The following RAPGEF5 variants were observed in gnomAD, a reference collection of about 807,000 sequenced individuals.
RAPGEF5 encodes M-Ras-regulated GEF.
RAPGEF5 carries 65 observed loss-of-function variants against 125.2 expected under a neutral mutation model. That is an observed-to-expected ratio of 0.52 (90% CI 0.43 to 0.64). RAPGEF5 has a LOEUF of 0.64. Among genes scored for constraint, RAPGEF5 ranks in the 30% least tolerant of loss-of-function variants. The probability of loss-of-function intolerance (pLI) is 0.00; values close to 1 mark genes in which losing one functional copy is unlikely to be tolerated. For synonymous variants in RAPGEF5, 391 were observed against 385.9 expected (o/e 1.01, Z -0.16); for missense variants, 958 against 1,048.1 (o/e 0.91, Z 1.19).
At chr7:22,300,161 T>C (rs1783163834) in intron 5 of RAPGEF5, among the ~76,000 whole-genome samples, 1 of 152,236 alleles carries the variant, frequency 6.6e-6, no homozygotes, top group Non-Finnish European at 1.5e-5. Flanking sequence ...TCTTCTTCAA[T>C]GTTTTTTTTC....
intron 11 of RAPGEF5, among the ~76,000 whole-genome samples, chr7:22,188,847 A>G (rs1346629252): frequency 6.6e-6 from 1 of 151,798 alleles, no homozygotes; most frequent in East Asian, 1.9e-4. Context: ...CTCCTATAAT[A>G]TAAAACAGGC....
chr7:22,284,175 T>C (rs1474438305), intron 6 of RAPGEF5, among the ~76,000 whole-genome samples: 1 of 152,074 alleles, frequency 6.6e-6, no homozygotes, highest in East Asian at 1.9e-4. Context: ...CATATAAGAA[T>C]TTTTTATTGA....
chr7:22,209,612 T>A (rs1367965890), intron 9 of RAPGEF5, among the ~76,000 whole-genome samples: 1 of 152,218 alleles, frequency 6.6e-6, no homozygotes, highest in African/African-American at 2.4e-5. Context: ...TGAGAAGAAC[T>A]GAATGATCCC....
chr7:22,149,959 T>C (rs1268372635), intron 18 of RAPGEF5, among the ~76,000 whole-genome samples: 1 of 151,564 alleles, frequency 6.6e-6, no homozygotes, highest in Admixed American at 6.6e-5. Flanking sequence ...TTTTTTGATT[T>C]GTAAAAGTAC....
intron 25 of RAPGEF5, among the ~76,000 whole-genome samples, chr7:22,122,798 G>A (rs937700527): frequency 6.6e-6 from 1 of 152,176 alleles, no homozygotes; most frequent in Non-Finnish European, 1.5e-5. Flanking sequence ...TTCCACAGAT[G>A]GGGAAACTGA....
intron 9 of RAPGEF5, among the ~76,000 whole-genome samples, chr7:22,196,078 T>C (rs1785141828): frequency 6.6e-6 from 1 of 152,212 alleles, no homozygotes; most frequent in South Asian, 2.1e-4. Context: ...ATCATATTGA[T>C]GTACTATCAA....
At chr7:22,347,905 C>CCGAA (rs1455295139) in intron 1 of RAPGEF5, among the ~76,000 whole-genome samples, 4 of 152,140 alleles carry the variant, frequency 2.6e-5, no homozygotes, top group African/African-American at 9.7e-5. Context: ...CCAGGGCTTA[C>CCGAA]CGAAGCATTT....
Position 22,301,411 on chromosome 7 carries a change from C to G in RAPGEF5, c.680+6928G>C, listed in dbSNP as rs2528646. Among the ~76,000 whole-genome samples the G allele has an allele frequency of 2.1e-3, 319 of 151,842 alleles. 1 individual carries two copies. The highest frequency in any genetic ancestry group is 3.9e-3 in the Non-Finnish European group (262 of 67,926). On this transcript the variant is annotated intron_variant, in intron 5 of 25. Transcript: ENST00000665637. Reference sequence around the variant, plus strand: ...CGGGTGGATCACAAGGTCAGGAGATCGAGACCATCCTGGCTAACACAGTGA... The same window carrying G: ...CGGGTGGATCACAAGGTCAGGAGATGGAGACCATCCTGGCTAACACAGTGA...
At chr7:22,252,211 A>G (rs1392959213) in intron 7 of RAPGEF5, among the ~76,000 whole-genome samples, 1 of 152,222 alleles carries the variant, frequency 6.6e-6, no homozygotes, top group African/African-American at 2.4e-5. Context: ...TGAAGAGCTT[A>G]AAATCATTGT....
chr7:22,149,196 G>T (rs1188416852), intron 18 of RAPGEF5, among the ~76,000 whole-genome samples: 1 of 152,238 alleles, frequency 6.6e-6, no homozygotes, highest in Non-Finnish European at 1.5e-5. Context: ...AGCACATACA[G>T]ATCTGGTAAT....
chr7:22,174,449 C>A (rs1473305932), intron 11 of RAPGEF5, among the ~76,000 whole-genome samples: 3 of 152,170 alleles, frequency 2.0e-5, no homozygotes, highest in Non-Finnish European at 4.4e-5. Flanking sequence ...CCTATGGCAA[C>A]CATGTTTAGA....
intron 3 of RAPGEF5, 89 bp from the exon 4 acceptor site, chr7:22,310,179 AT>A: frequency 2.3e-6 from 3 of 1,281,756 alleles, no homozygotes; most frequent in Non-Finnish European, 3.0e-6. Context: ...CTTTCCTTTC[AT>A]GTGCTTGCTT....
At chr7:22,333,273 G>A (rs2128158098) in intron 1 of RAPGEF5, among the ~76,000 whole-genome samples, 1 of 152,186 alleles carries the variant, frequency 6.6e-6, no homozygotes, top group African/African-American at 2.4e-5. Flanking sequence ...TACAGTGGGG[G>A]GTCAGGGGGA....
At chr7:22,132,623 G>A (rs979883003) in intron 23 of RAPGEF5, among the ~76,000 whole-genome samples, 10 of 152,142 alleles carry the variant, frequency 6.6e-5, no homozygotes, top group East Asian at 1.9e-4. Context: ...CCACCTGAAG[G>A]TCTGGCCTCT....
At position 22,310,095 on chromosome 7, in the gene RAPGEF5, A is replaced by G; in HGVS notation, c.390-5T>C. 6.4e-7 allele frequency: 1 copy of G among 1,552,470 alleles called. No individual in the cohort carries two copies. Among genetic ancestry groups the G allele is most frequent in the South Asian group, 1.2e-5 (1 of 80,994 alleles). ...TCTGACCCAACGCAGCTCCTCCTGAACAAAAGCAAAGCCATTCACAGTAAG... is the reference window on the plus strand; with the variant it reads ...TCTGACCCAACGCAGCTCCTCCTGAGCAAAAGCAAAGCCATTCACAGTAAG... On this transcript the variant is annotated splice_polypyrimidine_tract_variant and splice_region_variant and intron_variant, in intron 3 of 25. Transcript: ENST00000665637.
intron 1 of RAPGEF5, among the ~76,000 whole-genome samples, chr7:22,350,710 A>G (rs1784315163): frequency 6.6e-6 from 1 of 152,228 alleles, no homozygotes; most frequent in African/African-American, 2.4e-5. Context: ...GGAAGAAATA[A>G]GTAAATAAAA....
intron 3 of RAPGEF5, 118 bp from the exon 4 acceptor site, chr7:22,310,208 CA>C: frequency 8.7e-7 from 1 of 1,144,478 alleles, no homozygotes; most frequent in Non-Finnish European, 1.1e-6. Flanking sequence ...ACAAGCAACC[CA>C]AGAATAAATG....
At chr7:22,142,110 G>A (rs1203280020) in intron 20 of RAPGEF5, among the ~76,000 whole-genome samples, 2 of 152,194 alleles carry the variant, frequency 1.3e-5, no homozygotes, top group African/African-American at 2.4e-5. Context: ...CTTGTGGTCA[G>A]TAAGAACTGT....
intron 9 of RAPGEF5, among the ~76,000 whole-genome samples, chr7:22,198,017 G>A (rs926171565): frequency 4.5e-4 from 68 of 151,696 alleles, no homozygotes; most frequent in African/African-American, 1.6e-3. Flanking sequence ...AGCCTCCTGA[G>A]TACCTGGGAC....
Sources: gnomAD v4.1 joint callset for allele counts (sites outside exome capture counted in the v4.1 genomes callset) on GRCh38, gnomAD v4.1.1 for gene constraint, MANE v1.5 for transcripts, NCBI Gene and HGNC (gene_info 2026-07-23, HGNC 2026-07-21) for gene names.